Variants in HYAL1 observed in about 807,000 individuals in gnomAD.
The protein encoded by HYAL1 is hyaluronidase 1, also known as hyaluronidase-1.
HYAL1 carries 21 observed loss-of-function variants against 28.8 expected under a neutral mutation model. The observed-to-expected ratio is 0.73, with a 90% CI of 0.52 to 1.05. The LOEUF is 1.05. Ranked by LOEUF, HYAL1 falls within the 50% of genes least tolerant of loss-of-function variation. The pLI is 0.00. For synonymous variants in HYAL1, 200 were observed against 230.1 expected, an observed-to-expected ratio of 0.87 and a Z score of 1.18; for missense variants, 491 against 579.2, an observed-to-expected ratio of 0.85 and a Z score of 1.56.
At chr3:50,311,814 C>T (rs1702466944) in intron 1 of HYAL1, among the ~76,000 whole-genome samples, 3 of 146,708 alleles carry the variant, frequency 2.0e-5, no homozygotes, top group South Asian at 2.1e-4. Context: ...CGCCCCTCAC[C>T]TCCCGGATGG....
chr3:50,311,898 AT>A (rs1553714912), intron 1 of HYAL1, among the ~76,000 whole-genome samples: 7 of 101,054 alleles, frequency 6.9e-5, no homozygotes, highest in Admixed American at 2.1e-4. Flanking sequence ...CGGGGGGCTG[AT>A]CCCCCCTCCC....
In HYAL1 at chr3:50,300,252, G is replaced by A; in HGVS notation, c.*231C>T. On this transcript the variant is annotated 3_prime_UTR_variant, in exon 4 of 4. Coordinates refer to ENST00000395144, the MANE Select transcript of HYAL1 (RefSeq NM_033159.4). ...GAGGAATTGTCTATGACCTTGCCAA[G>A]TAGATGCATATGGACATGGAATGAA... 1 of 585,878 alleles carries A rather than the reference G, an allele frequency of 1.7e-6. No individual in the cohort carries two copies. The highest frequency in any genetic ancestry group is 1.9e-5 in the South Asian group (1 of 53,222). The allele number at this position is 585,878 out of a possible 1,614,324, so 36.3% of individuals were successfully genotyped here.
rs782256106 is a variant in HYAL1, at chr3:50,302,046, A to C, written c.900+11T>G. ...CAGGTTGACAAGGTGGGCAGGTTACAGAAGACTCACCAGGGGCAGAAAGTG... is the reference window on the plus strand; with the variant it reads ...CAGGTTGACAAGGTGGGCAGGTTACCGAAGACTCACCAGGGGCAGAAAGTG... On this transcript the variant is annotated intron_variant, in intron 2 of 3. Coordinates refer to ENST00000395144, the MANE Select transcript of HYAL1 (RefSeq NM_033159.4). This position sits in a 1 kb window ranked among gnomAD's most constrained non-coding sequence, Gnocchi z 5.0. 6.2e-7 allele frequency: 1 copy of C among 1,614,132 alleles called. No individual in the cohort carries two copies. Among genetic ancestry groups the C allele is most frequent in the African/African-American group, 1.3e-5 (1 of 75,032 alleles).
Position 50,302,670 on chromosome 3 carries a change from A to G in HYAL1, c.287T>C (p.Leu96Pro). Reference sequence around the variant, plus strand: ...GGCAATCAGGCTGGCATTCTGGGGCAGACCACCAAACACAGGCTCCCCAGT... The same window carrying G: ...GGCAATCAGGCTGGCATTCTGGGGCGGACCACCAAACACAGGCTCCCCAGT... ...TPTGEPVFGG[L>P]PQNASLIAHL... Residue 96 changes from leucine to proline, a missense_variant, in exon 2 of 4, where the codon CTG becomes CCG. Leu to Pro is a moderately conservative substitution (Grantham distance 98, BLOSUM62 -3). Transcript: ENST00000395144. This position sits in a 1 kb window ranked among gnomAD's most constrained non-coding sequence, Gnocchi z 5.0. The G allele has an allele frequency of 6.2e-7, 1 of 1,614,130 alleles. No individual in the cohort carries two copies. The highest frequency in any genetic ancestry group is 8.5e-7 in the Non-Finnish European group (1 of 1,180,012).
In HYAL1 at chr3:50,301,527, G is replaced by A. The variant is rs587658220; in HGVS notation, c.901-450C>T. Among the ~76,000 whole-genome samples, 11 of 150,100 alleles carry A rather than the reference G, an allele frequency of 7.3e-5. No homozygotes were observed. The South Asian group carries it at 2.3e-3, about 31-fold the overall frequency. On this transcript the variant is annotated intron_variant, in intron 2 of 3. Transcript: ENST00000395144. ...AACTACTTGGGAGGCTGAGGCAGGA[G>A]AATCACTTGAATCCGGAAGGTGGAG...
upstream of HYAL1, among the ~76,000 whole-genome samples, chr3:50,304,289 AAAAAAAAATATATATATATATATATAT>A (rs1448431092): frequency 1.7e-3 from 108 of 61,908 alleles, 4 homozygotes; most frequent in East Asian, 0.044. Flanking sequence ...AAAAAAAAAA[AAAAAAAAATATATATATATATATATAT>A]ATATATATAT....
At position 50,302,140 on chromosome 3, in the gene HYAL1, C is replaced by T. The variant is rs753549050; in HGVS notation, c.817G>A (p.Ala273Thr). 2 of 1,614,168 alleles carry T rather than the reference C, an allele frequency of 1.2e-6. No homozygotes were observed. The highest frequency in any genetic ancestry group is 1.7e-6 in the Non-Finnish European group (2 of 1,180,024). Residue 273 changes from alanine (A) to threonine (T), a missense_variant, in exon 2 of 4, where the codon GCT becomes ACT. Physicochemically the swap from Ala to Thr is moderately conservative, Grantham distance 58 (BLOSUM62 0). Transcript: ENST00000395144. The surrounding 1 kb of genome is among the most constrained non-coding windows in gnomAD (Gnocchi z 5.0). ...AGATTGGGGTCACCAGCAGCCACAG[C>T]CACACGGAATGCCTCGGCCACACGG... ...QHRVAEAFRV[A>T]VAAGDPNLPV...
In HYAL1 at chr3:50,302,634, C is replaced by T. The variant is rs56962018; in HGVS notation, c.323G>A (p.Arg108His). 6.4e-4 allele frequency: 1,033 copies of T among 1,614,138 alleles called. 11 individuals carry two copies. In the African/African-American group the frequency reaches 0.012, roughly 18 times the overall value. Residue 108 changes from arginine to histidine, a missense_variant, in exon 2 of 4, where the codon CGC (arginine) becomes CAC (histidine). Physicochemically the swap from Arg to His is conservative, Grantham distance 29. Transcript: ENST00000395144. This position sits in a 1 kb window ranked among gnomAD's most constrained non-coding sequence, Gnocchi z 5.0. ...GGCAGCCAGGATGTCCTGGAATGTGCGGGCCAGGTGGGCAATCAGGCTGGC... is the reference window on the plus strand; with the variant it reads ...GGCAGCCAGGATGTCCTGGAATGTGTGGGCCAGGTGGGCAATCAGGCTGGC... ...QNASLIAHLA[R>H]TFQDILAAIP...
At chr3:50,304,034 C>T (rs1290821305), upstream of HYAL1, 6 of 151,730 alleles carry the variant, frequency 4.0e-5, no homozygotes, top group Admixed American at 1.3e-4. Context: ...TTTGGGAAGC[C>T]GAGGTGGCAG....
At chr3:50,311,549 G>A (rs1292912519) in intron 1 of HYAL1, among the ~76,000 whole-genome samples, 1 of 136,888 alleles carries the variant, frequency 7.3e-6, no homozygotes, top group Admixed American at 7.1e-5. Context: ...CCTCCGGGAT[G>A]GGGCGGCTAG....
chr3:50,309,054 T>A (rs1369007261), intron 2 of HYAL1, among the ~76,000 whole-genome samples: 1 of 151,254 alleles, frequency 6.6e-6, no homozygotes, highest in Non-Finnish European at 1.5e-5. Context: ...TTTAGTACAG[T>A]CCTATGAACA....
chr3:50,303,198 A>G, intron 1 of HYAL1: 1 of 473,538 alleles, frequency 2.1e-6, no homozygotes, highest in Non-Finnish European at 3.7e-6. Context: ...GGCCTCTGCC[A>G]TCTCCCACAG....
rs587775219 is a variant in HYAL1 at position 50,310,788 on chromosome 3, G to C, written c.-309-1011C>G. Among the ~76,000 whole-genome samples the C allele has an allele frequency of 5.4e-3, 818 of 150,306 alleles. 3 individuals carry two copies. The highest frequency in any genetic ancestry group is 0.021 in the Middle Eastern group (6 of 292). ...GTGTCCCTGGGTACTTGAGATTAGGGAGTGGTGATGACTCTTAACGAGCAT... is the reference window on the plus strand; with the variant it reads ...GTGTCCCTGGGTACTTGAGATTAGGCAGTGGTGATGACTCTTAACGAGCAT... On this transcript the variant is annotated intron_variant, in intron 1 of 5. Transcript: ENST00000320295.
chr3:50,306,219 CTTTTTTTT>C (rs1173166946), upstream of HYAL1, among the ~76,000 whole-genome samples: 66 of 84,442 alleles, frequency 7.8e-4, 2 homozygotes, highest in Middle Eastern at 0.016. Context: ...CTGTACAACT[CTTTTTTTT>C]TTTTTTTTTT....
chr3:50,300,831 C>T (rs1553712621), intron 3 of HYAL1, 31 bp from the exon 4 acceptor site: 1 of 1,606,054 alleles, frequency 6.2e-7, no homozygotes, highest in South Asian at 1.1e-5. Context: ...GCGTCAGGGA[C>T]ACCATGGCCA....
chr3:50,306,217 CTCT>C (rs1226744948), upstream of HYAL1, among the ~76,000 whole-genome samples: 1 of 134,154 alleles, frequency 7.5e-6, no homozygotes, highest in African/African-American at 2.9e-5. Context: ...TGCTGTACAA[CTCT>C]TTTTTTTTTT....
In HYAL1 at chr3:50,302,781, A is replaced by G; in HGVS notation, c.176T>C (p.Val59Ala). The G allele has an allele frequency of 7.4e-6, 12 of 1,613,994 alleles. No homozygotes were observed. The highest frequency in any genetic ancestry group is 2.2e-5 in the East Asian group (1 of 44,888). Residue 59 changes from valine to alanine, a missense_variant, in exon 2 of 4, where the codon GTA becomes GCA. Val to Ala is a moderately conservative substitution (Grantham distance 64). Transcript: ENST00000395144. This position sits in a 1 kb window ranked among gnomAD's most constrained non-coding sequence, Gnocchi z 5.0. ...VDVDVSVFDV[V>A]ANPGQTFRGP... ...GCGGAAGGTCTGCCCTGGGTTGGCT[A>G]CCACATCGAAGACACTGACATCCAC...
rs1227568158 is a variant in HYAL1, at chr3:50,312,366, G to A, written c.-412C>T. The stretch of plus-strand genomic sequence containing the variant: ...ATCCCGGACGGGGCGACAGGGCAGA[G>A]GCGCTCCCCACATCTCAGACGATGG... On this transcript the variant is annotated 5_prime_UTR_variant, in exon 1 of 6. Coordinates refer to the HYAL1 transcript ENST00000320295. The A allele has an allele frequency of 1.2e-4, 22 of 180,142 alleles. No homozygotes were observed. The South Asian group carries it at 1.3e-3, about 11-fold the overall frequency. The allele number at this position is 180,142 out of a possible 1,614,324, so 11.2% of individuals were successfully genotyped here.
At chr3:50,307,804 T>C (rs1310838167), upstream of HYAL1, among the ~76,000 whole-genome samples, 35 of 149,944 alleles carry the variant, frequency 2.3e-4, 1 homozygote, top group African/African-American at 8.5e-4. Context: ...AAAACTTTTT[T>C]TTTTTTTTTG....
Sources: allele counts gnomAD v4.1 joint callset (sites outside exome capture counted in the v4.1 genomes callset), GRCh38; gene constraint gnomAD v4.1.1; non-coding constraint Gnocchi (gnomAD v3.1); transcripts MANE v1.5; gene names NCBI Gene and HGNC (gene_info 2026-07-23, HGNC 2026-07-21).